PCDH15: variants seen among roughly 807,000 people sequenced by gnomAD.
The protein encoded by PCDH15 is protocadherin related 15, also known as protocadherin-15.
Under a neutral mutation model 178.5 loss-of-function variants are expected in PCDH15, and 129 were observed. The observed-to-expected ratio is 0.72, with a 90% confidence interval of 0.63 to 0.84. The LOEUF (loss-of-function observed/expected upper bound fraction) is 0.84, where lower values mean the gene tolerates loss of function less well. Ranked by LOEUF, PCDH15 falls within the 40% of genes least tolerant of loss-of-function variation. The probability of loss-of-function intolerance (pLI) is 0.00; values close to 1 mark genes in which losing one functional copy is unlikely to be tolerated. For synonymous variants in PCDH15, 800 were observed against 732.0 expected, an observed-to-expected ratio of 1.09 and a Z score of -1.50; for missense variants, 2,230 against 2,099.9, an observed-to-expected ratio of 1.06 and a Z score of -1.21.
intron 2 of PCDH15, among the ~76,000 whole-genome samples, chr10:55,545,432 C>T (rs1369102216): frequency 6.6e-6 from 1 of 151,968 alleles, no homozygotes. Context: ...CACGCTGCCA[C>T]ACCTGGCTAA....
chr10:54,849,515 C>T (rs575205081), intron 3 of PCDH15, among the ~76,000 whole-genome samples: 1 of 152,264 alleles, frequency 6.6e-6, no homozygotes, highest in South Asian at 2.1e-4. Flanking sequence ...CCCTTTGTCA[C>T]TCGGCTCGAC....
chr10:54,934,242 T>C (rs2131856178), intron 2 of PCDH15, among the ~76,000 whole-genome samples: 1 of 152,262 alleles, frequency 6.6e-6, no homozygotes, highest in East Asian at 1.9e-4. Flanking sequence ...TTTATCTTCA[T>C]ATGTTCTTAA....
chr10:55,421,478 T>A (rs145783464), intron 2 of PCDH15, among the ~76,000 whole-genome samples: 287 of 149,914 alleles, frequency 1.9e-3, no homozygotes, highest in Middle Eastern at 3.7e-3. Flanking sequence ...TAAATTTACA[T>A]CATAGCTAAA....
chr10:55,304,897 T>C (rs1348174686), intron 1 of PCDH15, among the ~76,000 whole-genome samples: 3 of 152,192 alleles, frequency 2.0e-5, no homozygotes, highest in Non-Finnish European at 4.4e-5. Context: ...TAATATCAAT[T>C]CTAATATTCA....
At chr10:54,589,246 T>C (rs75098794) in intron 2 of PCDH15, among the ~76,000 whole-genome samples, 1 of 152,186 alleles carries the variant, frequency 6.6e-6, no homozygotes, top group Non-Finnish European at 1.5e-5. Context: ...GTTGTGCTTA[T>C]CTTTTTGGTC....
rs1335733819 is a variant in PCDH15 at position 54,955,002 on chromosome 10, T to C, written c.-79-57502A>G. Among the ~76,000 whole-genome samples the C allele has an allele frequency of 1.3e-5, 2 of 151,298 alleles. 1 individual carries two copies. The highest frequency in any genetic ancestry group is 4.1e-4 in the South Asian group (2 of 4,822). On this transcript the variant is annotated intron_variant, in intron 2 of 5. Transcript: ENST00000458638. ...TATGAAAGATAGTTCATAAAAACCA[T>C]ACAAATTCTTGGTTTCAGGTCATTT...
At chr10:54,639,834 C>T (rs1359926669) in intron 2 of PCDH15, among the ~76,000 whole-genome samples, 2 of 152,160 alleles carry the variant, frequency 1.3e-5, no homozygotes, top group Non-Finnish European at 2.9e-5. Flanking sequence ...AACCCTGTCA[C>T]CTGAAACTAT....
chr10:54,348,899 C>T (rs960794280), intron 5 of PCDH15, among the ~76,000 whole-genome samples: 3 of 152,160 alleles, frequency 2.0e-5, no homozygotes, highest in African/African-American at 4.8e-5. Context: ...TTAGATTCCA[C>T]ATACAAGTGG....
chr10:55,326,678 AAT>A (rs1656942681), intron 2 of PCDH15, among the ~76,000 whole-genome samples: 1 of 152,164 alleles, frequency 6.6e-6, no homozygotes, highest in African/African-American at 2.4e-5. Flanking sequence ...AATTATTTGC[AAT>A]ATAACAAAAG....
rs538802789 is a variant in PCDH15 at position 53,929,163 on chromosome 10, G to A, written c.3373+9652C>T. ...AATTTGGGATCAATGGAAGAGCACT[G>A]CCTCAATGCATTTGGTTTCAGAAAT... On this transcript the variant is annotated intron_variant, in intron 25 of 37. Transcript: ENST00000644397. Among the ~76,000 whole-genome samples, 26 of 152,136 alleles carry A rather than the reference G, an allele frequency of 1.7e-4. 1 individual carries two copies. The highest frequency in any genetic ancestry group is 2.9e-4 in the Non-Finnish European group (20 of 67,932).
chr10:54,132,811 A>C, intron 15 of PCDH15, 64 bp downstream of exon 15: 1 of 1,555,512 alleles, frequency 6.4e-7, no homozygotes. Flanking sequence ...TAAACTCATT[A>C]AATGCCAAGC....
At chr10:54,977,134 G>A (rs1839092239) in intron 2 of PCDH15, among the ~76,000 whole-genome samples, 1 of 152,172 alleles carries the variant, frequency 6.6e-6, no homozygotes, top group Non-Finnish European at 1.5e-5. Context: ...TAAGAGATTG[G>A]AAAATGATGA....
intron 25 of PCDH15, among the ~76,000 whole-genome samples, chr10:53,908,745 A>G (rs1372209298): frequency 1.3e-5 from 2 of 152,246 alleles, no homozygotes; most frequent in African/African-American, 4.8e-5. Flanking sequence ...TCTTATTGTT[A>G]CGTATCGTTG....
intron 2 of PCDH15, among the ~76,000 whole-genome samples, chr10:55,345,334 A>G (rs1418028738): frequency 1.5e-4 from 23 of 151,998 alleles, no homozygotes; most frequent in Admixed American, 1.5e-3. Flanking sequence ...CCTGTCTAAA[A>G]ACAAGGAGTA....
intron 2 of PCDH15, among the ~76,000 whole-genome samples, chr10:55,426,997 G>A (rs970729930): frequency 2.6e-5 from 4 of 151,526 alleles, no homozygotes; most frequent in African/African-American, 9.7e-5. Flanking sequence ...TCAGGCCATG[G>A]ATTTTTTTTT....
intron 2 of PCDH15, among the ~76,000 whole-genome samples, chr10:55,114,525 C>G (rs186855074): frequency 3.3e-5 from 5 of 152,186 alleles, no homozygotes; most frequent in Admixed American, 2.0e-4. Flanking sequence ...TATCTAACTA[C>G]GGTCTGGATT....
intron 2 of PCDH15, among the ~76,000 whole-genome samples, chr10:55,444,637 G>C (rs1460849287): frequency 6.6e-6 from 1 of 152,104 alleles, no homozygotes; most frequent in East Asian, 1.9e-4. Context: ...AATTGCCAAA[G>C]TTTATTAGAA....
intron 2 of PCDH15, among the ~76,000 whole-genome samples, chr10:54,925,037 G>A (rs147390360): frequency 6.6e-6 from 1 of 152,046 alleles, no homozygotes. Context: ...TGTCCTGCAT[G>A]GTATTGCCAA....
intron 3 of PCDH15, among the ~76,000 whole-genome samples, chr10:54,859,600 T>C (rs559080247): frequency 2.6e-5 from 4 of 152,138 alleles, no homozygotes; most frequent in African/African-American, 4.8e-5. Flanking sequence ...CAGTTTCATT[T>C]GTTCAGTCAA....
Sources: allele counts gnomAD v4.1 joint callset (sites outside exome capture counted in the v4.1 genomes callset), GRCh38; gene constraint gnomAD v4.1.1; transcripts MANE v1.5; gene names NCBI Gene and HGNC (gene_info 2026-07-23, HGNC 2026-07-21).